LGR5: variants seen among roughly 807,000 people sequenced by gnomAD.
The protein encoded by LGR5 is leucine-rich repeat-containing G protein-coupled receptor 5.
LGR5 carries 54 observed loss-of-function variants against 76.7 expected under a neutral mutation model. That is an observed-to-expected ratio of 0.70 (90% CI 0.57 to 0.88). The LOEUF is 0.88. LGR5 is among the 40% of genes least tolerant of loss of function. LGR5 has a pLI of 0.00. For synonymous variants in LGR5, 406 were observed against 421.9 expected (o/e 0.96, Z 0.46); for missense variants, 1,078 against 1,073.3 (o/e 1.00, Z -0.06).
chr12:71,517,881 T>TA (rs34259356), intron 2 of LGR5, among the ~76,000 whole-genome samples: 7,653 of 152,288 alleles, frequency 0.05, 245 homozygotes, highest in Non-Finnish European at 0.074. Context: ...ACCATAAGTA[T>TA]AAAACGTTGC....
chr12:71,539,451 AAC>A (rs1876764340), intron 4 of LGR5, among the ~76,000 whole-genome samples: 1 of 152,168 alleles, frequency 6.6e-6, no homozygotes, highest in African/African-American at 2.4e-5. Context: ...TCATAATGGA[AAC>A]ACATAGGTAC....
At chr12:71,481,685 C>A (rs1388513824) in intron 1 of LGR5, among the ~76,000 whole-genome samples, 1 of 152,144 alleles carries the variant, frequency 6.6e-6, no homozygotes, top group Non-Finnish European at 1.5e-5. Context: ...GTCCCAGGGT[C>A]ACACGATGTT....
intron 1 of LGR5, among the ~76,000 whole-genome samples, chr12:71,462,055 G>T (rs1207141456): frequency 6.6e-6 from 1 of 152,016 alleles, no homozygotes; most frequent in African/African-American, 2.4e-5. Flanking sequence ...CCTCCTAATG[G>T]GTCTCCTTAT....
intron 5 of LGR5, 72 bp downstream of exon 5, chr12:71,553,360 G>A: frequency 1.5e-6 from 2 of 1,318,076 alleles, no homozygotes; most frequent in Non-Finnish European, 2.2e-6. Flanking sequence ...TTAAAATGCT[G>A]GCTCTTCAAA....
At chr12:71,450,952 C>CT (rs978341854) in intron 1 of LGR5, among the ~76,000 whole-genome samples, 4 of 152,148 alleles carry the variant, frequency 2.6e-5, no homozygotes, top group African/African-American at 7.2e-5. Flanking sequence ...ACAAAGCCAA[C>CT]TTTTTTTACC....
intron 6 of LGR5, among the ~76,000 whole-genome samples, chr12:71,557,083 A>G (rs79293430): frequency 0.026 from 3,893 of 152,306 alleles, 69 homozygotes; most frequent in Middle Eastern, 0.034. Context: ...ATGAACAGGC[A>G]TCTCTTTAGG....
intron 4 of LGR5, among the ~76,000 whole-genome samples, chr12:71,543,443 G>A (rs193190435): frequency 6.6e-6 from 1 of 152,284 alleles, no homozygotes; most frequent in Admixed American, 6.5e-5. Flanking sequence ...ATTCAGATAG[G>A]CAGTGGGTAG....
intron 1 of LGR5, among the ~76,000 whole-genome samples, chr12:71,455,288 T>C (rs1332583532): frequency 6.6e-6 from 1 of 152,160 alleles, no homozygotes; most frequent in South Asian, 2.1e-4. Flanking sequence ...TCAATTTTTG[T>C]ATCTGTAAAA....
chr12:71,445,650 C>T (rs1871956156), intron 1 of LGR5, among the ~76,000 whole-genome samples: 1 of 152,144 alleles, frequency 6.6e-6, no homozygotes, highest in Non-Finnish European at 1.5e-5. Context: ...AAATCTGTGG[C>T]ATTTTTCTGT....
Position 71,571,494 on chromosome 12 carries a change from T to C in LGR5, c.1071-20T>C, listed in dbSNP as rs773434104. On this transcript the variant is annotated intron_variant, in intron 11 of 17. Coordinates refer to ENST00000266674, the MANE Select transcript of LGR5 (RefSeq NM_003667.4). ...TTTATTTGTAACAGATTTTCCCTTT[T>C]TGCACCTTCTGTTTTTCAGAGATCT... 6.3e-7 allele frequency: 1 copy of C among 1,589,184 alleles called. No homozygotes were observed. Among genetic ancestry groups the C allele is most frequent in the African/African-American group, 1.3e-5 (1 of 74,272 alleles).
At chr12:71,499,684 G>A (rs1874505772) in intron 1 of LGR5, among the ~76,000 whole-genome samples, 1 of 152,102 alleles carries the variant, frequency 6.6e-6, no homozygotes, top group Non-Finnish European at 1.5e-5. Flanking sequence ...TCTAGATCGA[G>A]CTCTGCTTGC....
At chr12:71,511,078 G>T (rs1264863119) in intron 2 of LGR5, among the ~76,000 whole-genome samples, 1 of 152,156 alleles carries the variant, frequency 6.6e-6, no homozygotes. Flanking sequence ...GAACCAACAG[G>T]ATTTATAAAC....
intron 1 of LGR5, among the ~76,000 whole-genome samples, chr12:71,494,346 G>A (rs1291627797): frequency 6.6e-6 from 1 of 150,552 alleles, no homozygotes; most frequent in Non-Finnish European, 1.5e-5. Context: ...CCAAAGTGTT[G>A]AGATTACAAG....
chr12:71,570,783 C>T, intron 11 of LGR5, among the ~76,000 whole-genome samples: 1 of 152,002 alleles, frequency 6.6e-6, no homozygotes, highest in East Asian at 1.9e-4. Flanking sequence ...ATGATTTTTC[C>T]CATTGCATAG....
rs117222478 is a variant in LGR5, at chr12:71,477,946, C to T, written c.213-26668C>T. ...CTCCTTTAGCGTAATCATCAATATG[C>T]GCTTCTTGAGTTCCCACCCATACCT... On this transcript the variant is annotated intron_variant, in intron 1 of 17. Transcript: ENST00000266674. Among the ~76,000 whole-genome samples, 532 of 152,256 alleles carry T rather than the reference C, an allele frequency of 3.5e-3. 11 individuals are homozygous for T. In the East Asian group the frequency reaches 0.07, roughly 20 times the overall value.
intron 4 of LGR5, among the ~76,000 whole-genome samples, chr12:71,552,031 C>T (rs1877508802): frequency 1.3e-5 from 2 of 151,274 alleles, no homozygotes; most frequent in African/African-American, 4.9e-5. Context: ...TACTCAGTTC[C>T]AGTGAGAACA....
At chr12:71,573,135 A>C (rs1473256348) in intron 13 of LGR5, 2 of 409,248 alleles carry the variant, frequency 4.9e-6, no homozygotes, top group African/African-American at 4.1e-5. Context: ...GTCAGCAGGC[A>C]GGAAGTTTTA....
At chr12:71,502,068 T>C (rs1874631728) in intron 1 of LGR5, among the ~76,000 whole-genome samples, 1 of 152,186 alleles carries the variant, frequency 6.6e-6, no homozygotes, top group African/African-American at 2.4e-5. Flanking sequence ...ACAGCCTGTA[T>C]TAGAAAACAG....
chr12:71,544,375 T>C (rs1592530140), intron 4 of LGR5, among the ~76,000 whole-genome samples: 1 of 144,028 alleles, frequency 6.9e-6, no homozygotes, highest in African/African-American at 2.5e-5. Flanking sequence ...TTTTTCTTCC[T>C]ACTGGCCTCA....
Sources: allele counts gnomAD v4.1 joint callset (sites outside exome capture counted in the v4.1 genomes callset), GRCh38; gene constraint gnomAD v4.1.1; transcripts MANE v1.5; gene names NCBI Gene and HGNC (gene_info 2026-07-23, HGNC 2026-07-21).